MCTS1: variants seen among roughly 807,000 people sequenced by gnomAD.
The protein encoded by MCTS1 is MCTS1 re-initiation and release factor, also known as malignant T-cell-amplified sequence 1.
For missense variants in MCTS1, 55 were observed against 128.6 expected (o/e 0.43, Z 2.77); for synonymous variants, 26 against 40.8 (o/e 0.64, Z 1.38).
In MCTS1 at chrX:120,612,687, A is replaced by ATGTGTGTG. The variant is rs66864093; in HGVS notation, c.*441_*448dup. Reference sequence around the variant, plus strand: ...TGTGTGTGTGTGTGTGTGTGTGTGTATGTGTGTGTGTGTGTGTGTGTGTGT... The same window carrying ATGTGTGTG: ...TGTGTGTGTGTGTGTGTGTGTGTGTATGTGTGTGTGTGTGTGTGTGTGTGTGTGTGTGT... On this transcript the variant is annotated 3_prime_UTR_variant, in exon 6 of 6. Coordinates refer to ENST00000371317, the MANE Select transcript of MCTS1 (RefSeq NM_014060.3). Among the ~76,000 whole-genome samples, 1 of 93,667 alleles carries ATGTGTGTG rather than the reference A, an allele frequency of 1.1e-5. No individual in the cohort carries two copies. Among genetic ancestry groups the ATGTGTGTG allele is most frequent in the Non-Finnish European group, 2.2e-5 (1 of 45,968 alleles). The allele number at this position is 93,667 out of a possible 115,157, so 81.3% of individuals were successfully genotyped here.
At chrX:120,606,205 A>G in intron 3 of MCTS1, 29 bp downstream of exon 3, 1 of 882,614 alleles carries the variant, frequency 1.1e-6, no homozygotes, top group Non-Finnish European at 1.6e-6. Context: ...TATTTTTTGA[A>G]ATTTTACTCC....
Position 120,606,120 on chromosome X carries a change from T to C in MCTS1, c.206T>C (p.Leu69Pro). The change falls in exon 3 of 6, where the codon CTC becomes CCC. Residue 69 changes from leucine to proline, a missense_variant. Transcript: ENST00000371317. Reference protein sequence around the residue: ...IEILTVNGELLFFRQREGPFY... With the variant: ...IEILTVNGELPFFRQREGPFY... ...ATCCTTACAGTAAATGGAGAATTAC[T>C]CTTTTTTAGACAAAGAGAAGGGCCT... The C allele has an allele frequency of 1.7e-6, 2 of 1,171,897 alleles. No individual in the cohort carries two copies. The highest frequency in any genetic ancestry group is 1.2e-6 in the Non-Finnish European group (1 of 868,488).
At chrX:120,608,190 CTTA>C (rs765712269) in intron 3 of MCTS1, 32 bp from the exon 4 acceptor site, 3 of 1,079,451 alleles carry the variant, frequency 2.8e-6, no homozygotes, top group Middle Eastern at 6.4e-4. Flanking sequence ...AGTCATTAGT[CTTA>C]TTATTAATAT....
chrX:120,612,899 C>T lies in MCTS1; in HGVS notation c.*635C>T, dbSNP rs1467072089. ...TTATTTTGAAGCAAATCCCAGACAT[C>T]CTATCATTTCATCCATAACTACTTT... On this transcript the variant is annotated 3_prime_UTR_variant, in exon 6 of 6. Transcript: ENST00000371317. 9.3e-6 allele frequency among the ~76,000 whole-genome samples: 1 copy of T among 107,340 alleles called. No individual in the cohort carries two copies. Among genetic ancestry groups the T allele is most frequent in the Non-Finnish European group, 1.9e-5 (1 of 51,936 alleles). 93.2% of individuals were successfully genotyped at this position (107,340 alleles called of 115,157 possible).
At chrX:120,610,527 T>A (rs1460791884) in intron 4 of MCTS1, among the ~76,000 whole-genome samples, 1 of 111,874 alleles carries the variant, frequency 8.9e-6, no homozygotes, top group Non-Finnish European at 1.9e-5. Flanking sequence ...GCAGGAGAAT[T>A]GCTTGAACCC....
Position 120,612,573 on chromosome X carries a change from C to A in MCTS1, c.*309C>A, listed in dbSNP as rs1460826383. On this transcript the variant is annotated 3_prime_UTR_variant, in exon 6 of 6. Coordinates refer to ENST00000371317, the MANE Select transcript of MCTS1 (RefSeq NM_014060.3). ...TGGATTGCCATTTTATGGTAGACCT[C>A]TAGAGAAACTGTCTAGTTAAATGGG... 1 of 182,708 alleles carries A rather than the reference C, an allele frequency of 5.5e-6. No homozygotes were observed. The highest frequency in any genetic ancestry group is 9.9e-6 in the Non-Finnish European group (1 of 101,310). 15.1% of individuals were successfully genotyped at this position (182,708 alleles called of 1,213,427 possible).
chrX:120,611,168 C>A, intron 5 of MCTS1, 90 bp downstream of exon 5: 2 of 761,358 alleles, frequency 2.6e-6, no homozygotes, highest in Non-Finnish European at 4.0e-6. Flanking sequence ...TGCTATCATG[C>A]ATACCACATT....
intron 1 of MCTS1, chrX:120,604,835 C>T: frequency 8.7e-7 from 1 of 1,153,107 alleles, no homozygotes; most frequent in South Asian, 2.0e-5. Context: ...TTGGTAGACG[C>T]AAAAAGCAAA....
In MCTS1 at chrX:120,605,572, T is replaced by A. The variant is rs1212914765; in HGVS notation, c.164+13T>A. ...AAATAGTCCGATGGTAAGTCTTTGT[T>A]TTTGTCTGTGTAAAGCTCGGTATAG... On this transcript the variant is annotated intron_variant, in intron 2 of 5. Coordinates refer to ENST00000371317, the MANE Select transcript of MCTS1 (RefSeq NM_014060.3). The A allele has an allele frequency of 8.4e-7, 1 of 1,192,353 alleles. No homozygotes were observed.
chrX:120,617,027 A>T lies in MCTS1; in HGVS notation c.*4763A>T, dbSNP rs1037368321. The stretch of plus-strand genomic sequence containing the variant: ...AACTAACAGAAGCAGTTAACCAAAA[A>T]ATGAGCTTCAGGCATCAGTCTTATT... On this transcript the variant is annotated 3_prime_UTR_variant, in exon 6 of 6. Transcript: ENST00000371317. Among the ~76,000 whole-genome samples the T allele has an allele frequency of 1.8e-5, 2 of 112,550 alleles. No homozygotes were observed. Among genetic ancestry groups the T allele is most frequent in the African/African-American group, 6.5e-5 (2 of 31,006 alleles).
At chrX:120,604,917 A>C in intron 1 of MCTS1, 1 of 1,106,832 alleles carries the variant, frequency 9.0e-7, no homozygotes, top group Non-Finnish European at 1.2e-6. Context: ...GGATCTTAGA[A>C]ATCATTATTA....
rs771185263 is a variant in MCTS1 at position 120,620,140 on chromosome X, A to G, written c.*7876A>G. Among the ~76,000 whole-genome samples the G allele has an allele frequency of 1.8e-5, 2 of 109,031 alleles. No homozygotes were observed. The highest frequency in any genetic ancestry group is 3.8e-5 in the Non-Finnish European group (2 of 52,524). The allele number at this position is 109,031 out of a possible 115,157, so 94.7% of individuals were successfully genotyped here. ...TCCTGGCTAACGTGAAACCCCGTCT[A>G]TACTAAAAATACAAAAAATTAACCG... On this transcript the variant is annotated 3_prime_UTR_variant, in exon 6 of 6. Coordinates refer to ENST00000371317, the MANE Select transcript of MCTS1 (RefSeq NM_014060.3).
intron 3 of MCTS1, among the ~76,000 whole-genome samples, chrX:120,606,709 G>A (rs1364121998): frequency 9.3e-6 from 1 of 106,997 alleles, no homozygotes; most frequent in African/African-American, 3.4e-5. Context: ...ACTTCAACCC[G>A]CGAGGCGGAG....
rs375510950 is a variant in MCTS1, at chrX:120,614,396, G to C, written c.*2132G>C. On this transcript the variant is annotated 3_prime_UTR_variant, in exon 6 of 6. Transcript: ENST00000371317. ...ATTTTTCCTGCTTCATCATTAATTAGAATGCTTATCTCTGCCAAAATCTCA... is the reference window on the plus strand; with the variant it reads ...ATTTTTCCTGCTTCATCATTAATTACAATGCTTATCTCTGCCAAAATCTCA... Among the ~76,000 whole-genome samples the C allele has an allele frequency of 5.9e-4, 66 of 111,944 alleles. No homozygotes were observed. The highest frequency in any genetic ancestry group is 4.4e-3 in the South Asian group (12 of 2,702).
At chrX:120,606,384 T>G (rs1411098834) in intron 3 of MCTS1, among the ~76,000 whole-genome samples, 2 of 112,475 alleles carry the variant, frequency 1.8e-5, no homozygotes. Flanking sequence ...TAGGTAATAA[T>G]GGATGTAAAA....
rs906516661 is a variant in MCTS1, at chrX:120,618,815, A to G, written c.*6551A>G. Among the ~76,000 whole-genome samples, 1 of 112,446 alleles carries G rather than the reference A, an allele frequency of 8.9e-6. No homozygotes were observed. The highest frequency in any genetic ancestry group is 3.2e-5 in the African/African-American group (1 of 30,959). On this transcript the variant is annotated 3_prime_UTR_variant, in exon 6 of 6. Transcript: ENST00000371317. Reference sequence around the variant, plus strand: ...GTAAAGTGTCTGAAAAGGAGTCCACAAAGTATTTCTGCTTTCTTGCTCCTG... The same window carrying G: ...GTAAAGTGTCTGAAAAGGAGTCCACGAAGTATTTCTGCTTTCTTGCTCCTG...
Position 120,604,127 on chromosome X carries a change from G to T in MCTS1, c.-110G>T. On this transcript the variant is annotated 5_prime_UTR_variant, in exon 1 of 6. Coordinates refer to ENST00000371317, the MANE Select transcript of MCTS1 (RefSeq NM_014060.3). ...TTTTCCGGATAACGACTACAGCTCCGACTGTCAGTGCCGGCCTTCCTCGTG... is the reference window on the plus strand; with the variant it reads ...TTTTCCGGATAACGACTACAGCTCCTACTGTCAGTGCCGGCCTTCCTCGTG... 3.1e-6 allele frequency: 3 copies of T among 967,963 alleles called. No individual in the cohort carries two copies. Among genetic ancestry groups the T allele is most frequent in the Non-Finnish European group, 4.4e-6 (3 of 688,602 alleles). The allele number at this position is 967,963 out of a possible 1,213,427, so 79.8% of individuals were successfully genotyped here.
At chrX:120,604,484 C>T in intron 1 of MCTS1, 1 of 530,214 alleles carries the variant, frequency 1.9e-6, no homozygotes, top group South Asian at 4.0e-5. Context: ...CTCCTTACCC[C>T]TCTTTCTCTT....
intron 1 of MCTS1, 103 bp from the exon 2 acceptor site, chrX:120,605,304 A>T: frequency 1.4e-6 from 1 of 719,914 alleles, no homozygotes; most frequent in Non-Finnish European, 2.0e-6. Context: ...AAGTATCTAA[A>T]TACTTGGTTG....
Sources: gnomAD v4.1 joint callset for allele counts (sites outside exome capture counted in the v4.1 genomes callset) on GRCh38, gnomAD v4.1.1 for gene constraint, MANE v1.5 for transcripts, NCBI Gene and HGNC (gene_info 2026-07-23, HGNC 2026-07-21) for gene names.